Variants in TULP4 observed in about 807,000 individuals in gnomAD.
TULP4 encodes the protein TUB like protein 4.
Under a neutral mutation model 129.0 loss-of-function variants are expected in TULP4, and 16 were observed. That is an observed-to-expected ratio of 0.12 (90% confidence interval 0.08 to 0.19). TULP4 has a LOEUF of 0.19. Among genes scored for constraint, TULP4 ranks in the 10% least tolerant of loss-of-function variants. The probability of loss-of-function intolerance (pLI) is 1.00; values close to 1 mark genes in which losing one functional copy is unlikely to be tolerated. For synonymous variants in TULP4, 998 were observed against 854.0 expected (o/e 1.17, Z -2.94); for missense variants, 1,842 against 2,059.1 (o/e 0.89, Z 2.04).
chr6:158,392,259 A>G (rs529282074), intron 1 of TULP4, among the ~76,000 whole-genome samples: 3 of 152,280 alleles, frequency 2.0e-5, no homozygotes, highest in African/African-American at 7.2e-5. Context: ...CGACAACAGC[A>G]TGGGAAAGAA....
intron 12 of TULP4, among the ~76,000 whole-genome samples, chr6:158,500,292 A>G (rs1780415187): frequency 6.6e-6 from 1 of 152,172 alleles, no homozygotes; most frequent in African/African-American, 2.4e-5. Context: ...CAGACGAGAG[A>G]GCTTCTCCAA....
At chr6:158,497,633 A>C (rs1444629265) in intron 11 of TULP4, among the ~76,000 whole-genome samples, 2 of 152,228 alleles carry the variant, frequency 1.3e-5, no homozygotes, top group Non-Finnish European at 2.9e-5. Context: ...ATTCATTCTT[A>C]AGTCATATGG....
At chr6:158,372,058 G>C (rs1777081077) in intron 1 of TULP4, among the ~76,000 whole-genome samples, 1 of 147,734 alleles carries the variant, frequency 6.8e-6, no homozygotes, top group Non-Finnish European at 1.5e-5. Flanking sequence ...CAAGCGATCT[G>C]CCCACCTCGG....
At chr6:158,468,821 G>A in intron 6 of TULP4, among the ~76,000 whole-genome samples, 1 of 152,226 alleles carries the variant, frequency 6.6e-6, no homozygotes, top group Non-Finnish European at 1.5e-5. Context: ...GGCGCCTTGT[G>A]CCTGTGTCCT....
Position 158,314,007 on chromosome 6 carries a change from T to G in TULP4, c.-10T>G. 1.9e-6 allele frequency: 3 copies of G among 1,609,790 alleles called. No homozygotes were observed. The East Asian group carries it at 6.7e-5, about 36-fold the overall frequency. ...TTACTTTTTAAGTAAAACAGTTCATTGAAGAAAGTATGTATGCAGCAGTGG... is the reference window on the plus strand; with the variant it reads ...TTACTTTTTAAGTAAAACAGTTCATGGAAGAAAGTATGTATGCAGCAGTGG... On this transcript the variant is annotated 5_prime_UTR_variant, in exon 1 of 14. It adds an upstream start codon to the 5' untranslated region. Transcript: ENST00000367097.
At chr6:158,467,187 A>T (rs761491750) in intron 6 of TULP4, among the ~76,000 whole-genome samples, 26 of 151,434 alleles carry the variant, frequency 1.7e-4, no homozygotes, top group Non-Finnish European at 1.5e-4. Context: ...AGATATCTTC[A>T]TGTCTACATC....
rs188941633 is a variant in TULP4 at position 158,313,491 on chromosome 6, A to G, written c.-526A>G. ...GCTAGAGGGTGGCTTCAGAAGGAAG[A>G]TGATCCTGTGTATTCTGTCTCTGCA... On this transcript the variant is annotated 5_prime_UTR_variant, in exon 1 of 14. An upstream start codon of the reference 5' UTR is lost. Transcript: ENST00000367097. 216 of 400,810 alleles carry G rather than the reference A, an allele frequency of 5.4e-4. No individual in the cohort carries two copies. The East Asian group carries it at 7.5e-3, about 14-fold the overall frequency. The allele number at this position is 400,810 out of a possible 1,614,324, so 24.8% of individuals were successfully genotyped here.
chr6:158,291,666 T>C (rs1778943857), intron 1 of TULP4, among the ~76,000 whole-genome samples: 1 of 152,182 alleles, frequency 6.6e-6, no homozygotes. Context: ...GAATTTTAAT[T>C]AGATTTGTCC....
At chr6:158,384,487 A>G (rs1463841081) in intron 1 of TULP4, among the ~76,000 whole-genome samples, 2 of 151,876 alleles carry the variant, frequency 1.3e-5, no homozygotes, top group Non-Finnish European at 2.9e-5. Flanking sequence ...ACGGGGTTTC[A>G]CTGTGTTAGC....
chr6:158,377,016 C>T (rs1273315134), intron 1 of TULP4, among the ~76,000 whole-genome samples: 1 of 152,118 alleles, frequency 6.6e-6, no homozygotes, highest in Non-Finnish European at 1.5e-5. Flanking sequence ...GTTGCTTATA[C>T]CTGGATGTCT....
chr6:158,328,309 T>C (rs1337070495), intron 1 of TULP4, among the ~76,000 whole-genome samples: 1 of 152,060 alleles, frequency 6.6e-6, no homozygotes, highest in Non-Finnish European at 1.5e-5. Flanking sequence ...CTTTTTTTTT[T>C]AGATGAGGAA....
At chr6:158,416,118 C>T (rs1392797234) in intron 2 of TULP4, among the ~76,000 whole-genome samples, 1 of 152,188 alleles carries the variant, frequency 6.6e-6, no homozygotes, top group African/African-American at 2.4e-5. Flanking sequence ...GGCTGGAAGA[C>T]TCTGCAAGTC....
At chr6:158,380,196 C>T (rs1048960640) in intron 1 of TULP4, among the ~76,000 whole-genome samples, 2 of 152,154 alleles carry the variant, frequency 1.3e-5, no homozygotes, top group African/African-American at 2.4e-5. Flanking sequence ...ATATTTTATA[C>T]ATTAAAACTG....
At chr6:158,375,297 C>CT (rs1057129420) in intron 1 of TULP4, among the ~76,000 whole-genome samples, 1 of 152,116 alleles carries the variant, frequency 6.6e-6, no homozygotes, top group East Asian at 1.9e-4. Flanking sequence ...TTAGTATGTT[C>CT]TTTTTTGTTG....
intron 1 of TULP4, among the ~76,000 whole-genome samples, chr6:158,341,859 A>C (rs1159210624): frequency 6.6e-6 from 1 of 151,986 alleles, no homozygotes; most frequent in East Asian, 1.9e-4. Context: ...CCATTCTGTG[A>C]GTTGTCTTTT....
chr6:158,292,884 C>T (rs1317346378), intron 1 of TULP4, among the ~76,000 whole-genome samples: 1 of 152,152 alleles, frequency 6.6e-6, no homozygotes, highest in Admixed American at 6.5e-5. Context: ...TTTCTGTGTA[C>T]CCTGTGTGAC....
intron 8 of TULP4, among the ~76,000 whole-genome samples, chr6:158,485,252 TGCA>T: frequency 6.6e-6 from 1 of 152,204 alleles, no homozygotes; most frequent in South Asian, 2.1e-4. Context: ...TATAGTAAAA[TGCA>T]AAAGGAGAAA....
At chr6:158,277,726 C>G (rs1309867718), upstream of TULP4, among the ~76,000 whole-genome samples, 1 of 152,190 alleles carries the variant, frequency 6.6e-6, no homozygotes, top group East Asian at 1.9e-4. Context: ...TGTGTGGAAG[C>G]TGTCACTTTG....
intron 1 of TULP4, among the ~76,000 whole-genome samples, chr6:158,277,020 G>A (rs1259572301): frequency 6.6e-6 from 1 of 152,014 alleles, no homozygotes; most frequent in Non-Finnish European, 1.5e-5. Flanking sequence ...GCTCACTGCA[G>A]CCTCAACTTC....
Sources: allele counts gnomAD v4.1 joint callset (sites outside exome capture counted in the v4.1 genomes callset), GRCh38; gene constraint gnomAD v4.1.1; transcripts MANE v1.5; gene names NCBI Gene and HGNC (gene_info 2026-07-23, HGNC 2026-07-21).